The following ZZEF1 variants were observed in gnomAD, a reference collection of about 807,000 sequenced individuals.
The protein encoded by ZZEF1 is zinc finger ZZ-type and EF-hand domain containing 1, also known as zinc finger ZZ-type and EF-hand domain-containing protein 1.
In ZZEF1, 157 loss-of-function variants were observed where a neutral mutation model predicts 342.8. That is an observed-to-expected ratio of 0.46 (90% confidence interval 0.40 to 0.52). The LOEUF is 0.52. ZZEF1 is among the 20% of genes least tolerant of loss of function. The probability of loss-of-function intolerance (pLI) is 0.00; values close to 1 mark genes in which losing one functional copy is unlikely to be tolerated. For synonymous variants in ZZEF1, 1,505 were observed against 1,429.1 expected (o/e 1.05, Z -1.20); for missense variants, 3,480 against 3,725.6 (o/e 0.93, Z 1.72).
chr17:4,097,621 C>T (rs1164629330), intron 9 of ZZEF1, among the ~76,000 whole-genome samples: 1 of 106,544 alleles, frequency 9.4e-6, no homozygotes, highest in Non-Finnish European at 2.4e-5. Flanking sequence ...TGATTCTTGT[C>T]CACAGAACTA....
chr17:4,013,696 T>G, intron 51 of ZZEF1, 82 bp from the exon 52 acceptor site: 1 of 1,380,512 alleles, frequency 7.2e-7, no homozygotes, highest in East Asian at 2.6e-5. Context: ...ATAACAATTG[T>G]GTACGTTAAG....
chr17:4,128,961 G>T (rs1164459493), intron 1 of ZZEF1, among the ~76,000 whole-genome samples: 1 of 151,138 alleles, frequency 6.6e-6, no homozygotes, highest in African/African-American at 2.4e-5. Context: ...TAGAGATGGG[G>T]TTTCACCATG....
intron 5 of ZZEF1, among the ~76,000 whole-genome samples, chr17:4,112,092 A>T (rs1381359554): frequency 4.6e-4 from 20 of 43,740 alleles, no homozygotes; most frequent in South Asian, 1.4e-3. Context: ...ATATATATAT[A>T]TGTTTTGTTT....
rs754794504 is a variant in ZZEF1 at position 4,042,445 on chromosome 17, A to G, written c.6290T>C (p.Leu2097Ser). Residue 2097 changes from leucine (L) to serine (S), a missense_variant, in exon 39 of 55, where the codon TTA becomes TCA. Physicochemically the swap from Leu to Ser is moderately radical, Grantham distance 145. This residue lies in a region of ZZEF1 where 1,269 missense variants were observed against 1,342.4 expected (regional missense o/e 0.95). Transcript: ENST00000381638. ...KRILGLLAAMLPPLKSGPTVP... is the reference protein window; with the variant it reads ...KRILGLLAAMSPPLKSGPTVP... ...TGCCCTTACCGACTTTAAGGGAGGT[A>G]ACATGGCTGCTAGTAATCCCAAAAT... The G allele has an allele frequency of 4.3e-6, 7 of 1,613,504 alleles. No individual in the cohort carries two copies. The highest frequency in any genetic ancestry group is 5.9e-6 in the Non-Finnish European group (7 of 1,179,836).
intron 32 of ZZEF1, among the ~76,000 whole-genome samples, chr17:4,057,723 C>A (rs951606443): frequency 3.3e-5 from 5 of 152,218 alleles, no homozygotes; most frequent in Non-Finnish European, 7.3e-5. Flanking sequence ...GCATGCCAGA[C>A]GCGGTTCTAA....
intron 16 of ZZEF1, among the ~76,000 whole-genome samples, chr17:4,083,637 CTTTT>C (rs35907843): frequency 4.2e-5 from 5 of 118,658 alleles, no homozygotes; most frequent in Admixed American, 2.7e-4. Flanking sequence ...GCTTTTGTTC[CTTTT>C]TTTTTTTTTT....
At chr17:4,079,321 G>C (rs541699905) in intron 18 of ZZEF1, among the ~76,000 whole-genome samples, 2 of 152,314 alleles carry the variant, frequency 1.3e-5, no homozygotes, top group African/African-American at 2.4e-5. Flanking sequence ...ACAGAAGAAA[G>C]ACTGGTGAGG....
At chr17:4,068,638 C>T (rs1300486483) in intron 26 of ZZEF1, among the ~76,000 whole-genome samples, 1 of 152,198 alleles carries the variant, frequency 6.6e-6, no homozygotes, top group African/African-American at 2.4e-5. Flanking sequence ...CCCTTCTCTT[C>T]AGCTAAAACC....
intron 52 of ZZEF1, among the ~76,000 whole-genome samples, chr17:4,010,731 A>AAAAAAAAG (rs1039577843): frequency 1.3e-5 from 2 of 150,730 alleles, no homozygotes; most frequent in Non-Finnish European, 3.0e-5. Flanking sequence ...TCTCAAAAAA[A>AAAAAAAAG]AAAAGAAAAA....
In ZZEF1 at chr17:4,050,001, A is replaced by G. The variant is rs971473576; in HGVS notation, c.5864-142T>C. On this transcript the variant is annotated intron_variant, in intron 36 of 54. Coordinates refer to ENST00000381638, the MANE Select transcript of ZZEF1 (RefSeq NM_015113.4). ...CCAAATCCTAGAGGACTCAACGTGA[A>G]CATCCCTCGCTGTCTAAATCTACTC... is the stretch of plus-strand genomic sequence containing the variant. The G allele has an allele frequency of 8.9e-6, 8 of 897,008 alleles. No homozygotes were observed. In the African/African-American group the frequency reaches 1.2e-4, roughly 13 times the overall value. The allele number at this position is 897,008 out of a possible 1,614,324, so 55.6% of individuals were successfully genotyped here. A position where few individuals can be genotyped will look rare whatever the true frequency, so the allele number is the denominator to read the frequency against.
intron 3 of ZZEF1, 97 bp from the exon 4 acceptor site, chr17:4,114,567 T>C: frequency 2.9e-6 from 3 of 1,044,448 alleles, no homozygotes; most frequent in Non-Finnish European, 3.9e-6. Context: ...CTTGGTACTC[T>C]GGCCCTAGAA....
chr17:4,130,278 C>T (rs1470192625), intron 1 of ZZEF1, among the ~76,000 whole-genome samples: 1 of 152,036 alleles, frequency 6.6e-6, no homozygotes, highest in Non-Finnish European at 1.5e-5. Context: ...ACATGCGAAA[C>T]CACATCTCTA....
In ZZEF1 at chr17:4,044,271, T is replaced by C; in HGVS notation, c.6119A>G (p.Gln2040Arg). 1 of 1,614,202 alleles carries C rather than the reference T, an allele frequency of 6.2e-7. No homozygotes were observed. Among genetic ancestry groups the C allele is most frequent in the South Asian group, 1.1e-5 (1 of 91,084 alleles). ...SLSKDPSCQT[Q>R]ISDSPADASP... ...AGCATCTGCAGGTGAATCTGAAATT[T>C]GGGTCTGGCATGAAGGATCCTTCGA... Residue 2040 changes from glutamine (Q) to arginine (R), a missense_variant, in exon 38 of 55, where the codon CAA (glutamine) becomes CGA (arginine). Physicochemically the swap from Gln to Arg is conservative, Grantham distance 43 (BLOSUM62 1). Coordinates refer to ENST00000381638, the MANE Select transcript of ZZEF1 (RefSeq NM_015113.4).
Position 4,109,638 on chromosome 17 carries a change from G to A in ZZEF1, c.1277+15C>T. 2 of 1,613,650 alleles carry A rather than the reference G, an allele frequency of 1.2e-6. No individual in the cohort carries two copies. Among genetic ancestry groups the A allele is most frequent in the South Asian group, 1.1e-5 (1 of 91,048 alleles). ...GGCATGTTGAGGGGGCTGGAACATA[G>A]AGAGAATGACTTACTGAGTATTGTG... On this transcript the variant is annotated intron_variant, in intron 6 of 54. Coordinates refer to ENST00000381638, the MANE Select transcript of ZZEF1 (RefSeq NM_015113.4).
In ZZEF1 at chr17:4,022,742, G is replaced by T; in HGVS notation, c.7179C>A (p.Gly2393=). The T allele has an allele frequency of 6.2e-7, 1 of 1,613,880 alleles. No individual in the cohort carries two copies. The highest frequency in any genetic ancestry group is 1.1e-5 in the South Asian group (1 of 91,068). The change falls in exon 44 of 55, where the codon GGC becomes GGA. Residue 2393 remains glycine, a synonymous_variant. Coordinates refer to ENST00000381638, the MANE Select transcript of ZZEF1 (RefSeq NM_015113.4). ...CCCGGAGGAGCCACGTTTTACTAAA[G>T]CCAGTCCCTTTGCTGCACTTTTTCA... ...LLVKKCSKGT[G]FSKTWLLRDL...
intron 25 of ZZEF1, among the ~76,000 whole-genome samples, chr17:4,071,706 ACTGACCACCACAGAAGTGACCGGT>A (rs2057512655): frequency 1.3e-5 from 2 of 152,188 alleles, no homozygotes; most frequent in African/African-American, 4.8e-5. Flanking sequence ...CCTGGGGAAC[ACTGACCACCACAGAAGTGACCGGT>A]CTTTGGTTTT....
At chr17:4,067,029 T>C (rs985988040) in intron 27 of ZZEF1, 134 bp downstream of exon 27, 21 of 690,264 alleles carry the variant, frequency 3.0e-5, no homozygotes, top group Non-Finnish European at 4.8e-5. Flanking sequence ...TTTATATCTA[T>C]TCATGTCACT....
chr17:4,070,615 T>C (rs2057489203), intron 26 of ZZEF1, 69 bp downstream of exon 26: 1 of 1,517,818 alleles, frequency 6.6e-7, no homozygotes. Context: ...AAATGTTCAC[T>C]TAAGATAGGC....
At chr17:4,080,477 T>C (rs938340046) in intron 18 of ZZEF1, among the ~76,000 whole-genome samples, 4 of 152,122 alleles carry the variant, frequency 2.6e-5, no homozygotes, top group Admixed American at 2.0e-4. Context: ...GTAGCTGGGA[T>C]TACAGGCATG....
Sources: gnomAD v4.1 joint callset for allele counts (sites outside exome capture counted in the v4.1 genomes callset) on GRCh38, gnomAD v4.1.1 for gene constraint, gnomAD v4.1.1 regional missense constraint, MANE v1.5 for transcripts, NCBI Gene and HGNC (gene_info 2026-07-23, HGNC 2026-07-21) for gene names.